Variants in CNDP2 observed in about 807,000 individuals in gnomAD.
CNDP2 encodes carnosine dipeptidase 2, also known as cytosolic non-specific dipeptidase.
Under a neutral mutation model 55.0 loss-of-function variants are expected in CNDP2, and 38 were observed. That is an observed-to-expected ratio of 0.69 (90% CI 0.53 to 0.90). CNDP2 has a LOEUF of 0.90. Ranked by LOEUF, CNDP2 falls within the 40% of genes least tolerant of loss-of-function variation. The pLI, the probability that CNDP2 is intolerant of heterozygous loss-of-function variation, is 0.00. For missense variants in CNDP2, 607 were observed against 621.7 expected (o/e 0.98, Z 0.25); for synonymous variants, 241 against 260.2 (o/e 0.93, Z 0.71).
At chr18:74,504,149 A>C (rs867571570) in intron 3 of CNDP2, among the ~76,000 whole-genome samples, 3 of 144,888 alleles carry the variant, frequency 2.1e-5, no homozygotes, top group Admixed American at 6.9e-5. Flanking sequence ...CGCTGGGACA[A>C]ATGAGGGGCG....
chr18:74,505,456 A>G (rs1978955237), intron 3 of CNDP2, among the ~76,000 whole-genome samples: 1 of 152,106 alleles, frequency 6.6e-6, no homozygotes, highest in Non-Finnish European at 1.5e-5. Context: ...AAAATTAACC[A>G]GGCATGGTGG....
At position 74,516,291 on chromosome 18, in the gene CNDP2, T is replaced by G; in HGVS notation, c.967T>G (p.Phe323Val). ...SLSLHGIEGAFSGSGAKTVIP... is the reference protein window; with the variant it reads ...SLSLHGIEGAVSGSGAKTVIP... ...GTCCCTCCATGGCATCGAAGGCGCC[T>G]TCTCTGGGTCTGGGGCCAAGACCGT... is the stretch of plus-strand genomic sequence containing the variant. Residue 323 changes from phenylalanine (F) to valine (V), a missense_variant, in exon 9 of 12, where the codon TTC becomes GTC. Coordinates refer to ENST00000324262, the MANE Select transcript of CNDP2 (RefSeq NM_018235.3). 6.2e-7 allele frequency: 1 copy of G among 1,614,136 alleles called. No individual in the cohort carries two copies. Among genetic ancestry groups the G allele is most frequent in the East Asian group, 2.2e-5 (1 of 44,862 alleles).
chr18:74,501,813 T>C (rs1978718060), intron 3 of CNDP2, among the ~76,000 whole-genome samples: 1 of 152,120 alleles, frequency 6.6e-6, no homozygotes, highest in African/African-American at 2.4e-5. Flanking sequence ...TTTATTCAAG[T>C]CCATTTAAAA....
chr18:74,519,171 G>A, intron 11 of CNDP2, 75 bp downstream of exon 11: 2 of 1,498,840 alleles, frequency 1.3e-6, no homozygotes, highest in Non-Finnish European at 1.8e-6. Context: ...TTCCCCCCGT[G>A]TGCAGCTGCC....
intron 2 of CNDP2, 125 bp from the exon 3 acceptor site, chr18:74,501,204 C>T: frequency 6.9e-7 from 1 of 1,459,022 alleles, no homozygotes; most frequent in Non-Finnish European, 9.0e-7. Flanking sequence ...TGTCCTATTT[C>T]CAATCAGCCT....
Position 74,513,646 on chromosome 18 carries a change from A to T in CNDP2, c.830A>T (p.Tyr277Phe), listed in dbSNP as rs1013549494. The change falls in exon 8 of 12, where the codon TAC becomes TTC. Residue 277 changes from tyrosine (Y) to phenylalanine (F), a missense_variant. Coordinates refer to ENST00000324262, the MANE Select transcript of CNDP2 (RefSeq NM_018235.3). ...GTCACGGAAGAGGAGCACAAGCTGT[A>T]CGACGACATCGACTTTGACATAGAG... is the stretch of plus-strand genomic sequence containing the variant. The part of the protein sequence containing the change: ...AAVTEEEHKL[Y>F]DDIDFDIEEF... 1.9e-6 allele frequency: 3 copies of T among 1,614,012 alleles called. No homozygotes were observed. Among genetic ancestry groups the T allele is most frequent in the Non-Finnish European group, 2.5e-6 (3 of 1,180,048 alleles).
intron 5 of CNDP2, 74 bp from the exon 6 acceptor site, chr18:74,510,739 G>A: frequency 7.7e-7 from 1 of 1,294,308 alleles, no homozygotes; most frequent in South Asian, 1.3e-5. Flanking sequence ...TGTGAAATAT[G>A]TAATCCTGAG....
chr18:74,513,640 A>G lies in CNDP2; in HGVS notation c.824A>G (p.Lys275Arg), dbSNP rs1410389649. 4 of 1,614,114 alleles carry G rather than the reference A, an allele frequency of 2.5e-6. No homozygotes were observed. The highest frequency in any genetic ancestry group is 1.7e-5 in the Admixed American group (1 of 60,026). The part of the protein sequence containing the change: ...AVAAVTEEEH[K>R]LYDDIDFDIE... Reference sequence around the variant, plus strand: ...GCCGCCGTCACGGAAGAGGAGCACAAGCTGTACGACGACATCGACTTTGAC... The same window carrying G: ...GCCGCCGTCACGGAAGAGGAGCACAGGCTGTACGACGACATCGACTTTGAC... Residue 275 changes from lysine to arginine, a missense_variant, in exon 8 of 12, where the codon AAG becomes AGG. Lys to Arg is a conservative substitution (Grantham distance 26, BLOSUM62 2). Coordinates refer to ENST00000324262, the MANE Select transcript of CNDP2 (RefSeq NM_018235.3).
At chr18:74,499,624 G>C (rs924453511) in intron 1 of CNDP2, 1 of 263,182 alleles carries the variant, frequency 3.8e-6, no homozygotes, top group Admixed American at 4.9e-5. Flanking sequence ...AAAACTAAAA[G>C]TGCCTACTTT....
chr18:74,502,332 G>C (rs1234215929), intron 3 of CNDP2, among the ~76,000 whole-genome samples: 2 of 152,172 alleles, frequency 1.3e-5, no homozygotes, highest in African/African-American at 4.8e-5. Flanking sequence ...GCAACTTTAA[G>C]CAAGACAACA....
chr18:74,499,600 A>G (rs545389390), intron 1 of CNDP2: 233 of 215,228 alleles, frequency 1.1e-3, no homozygotes, highest in Non-Finnish European at 1.7e-3. Flanking sequence ...AAAAATTTTT[A>G]TTAAAGTACC....
At chr18:74,514,212 T>C (rs1979515685) in intron 8 of CNDP2, among the ~76,000 whole-genome samples, 1 of 152,176 alleles carries the variant, frequency 6.6e-6, no homozygotes, top group African/African-American at 2.4e-5. Context: ...GCTCTAGGTT[T>C]ATGTGGTACA....
Position 74,499,878 on chromosome 18 carries a change from G to T in CNDP2, c.-92-4G>T. The T allele has an allele frequency of 9.5e-7, 1 of 1,053,284 alleles. No individual in the cohort carries two copies. The highest frequency in any genetic ancestry group is 1.4e-6 in the Non-Finnish European group (1 of 696,192). The allele number at this position is 1,053,284 out of a possible 1,614,324, so 65.2% of individuals were successfully genotyped here. A position where few individuals can be genotyped will look rare whatever the true frequency, so the allele number is the denominator to read the frequency against. On this transcript the variant is annotated splice_region_variant and splice_polypyrimidine_tract_variant and intron_variant, in intron 1 of 11. Transcript: ENST00000324262. Reference sequence around the variant, plus strand: ...ACAATTCTGAACACGTGCTTTCTGGGCAGGTCGCCCCTCAGTCTCCACTAG... The same window carrying T: ...ACAATTCTGAACACGTGCTTTCTGGTCAGGTCGCCCCTCAGTCTCCACTAG...
In CNDP2 at chr18:74,513,681, A is replaced by C; in HGVS notation, c.865A>C (p.Lys289Gln). 1 of 1,614,054 alleles carries C rather than the reference A, an allele frequency of 6.2e-7. No homozygotes were observed. Among genetic ancestry groups the C allele is most frequent in the Non-Finnish European group, 8.5e-7 (1 of 1,179,982 alleles). The change falls in exon 8 of 12, where the codon AAG becomes CAG. Residue 289 changes from lysine (K) to glutamine (Q), a missense_variant. Lys to Gln is a moderately conservative substitution (Grantham distance 53, BLOSUM62 1). Transcript: ENST00000324262. Reference sequence around the variant, plus strand: ...CGACTTTGACATAGAGGAGTTTGCCAAGGATGTGGGGGCGCAGATCCTCCT... The same window carrying C: ...CGACTTTGACATAGAGGAGTTTGCCCAGGATGTGGGGGCGCAGATCCTCCT... ...DIDFDIEEFA[K>Q]DVGAQILLHS...
chr18:74,513,794 T>G, intron 8 of CNDP2, 75 bp downstream of exon 8: 1 of 1,485,028 alleles, frequency 6.7e-7, no homozygotes. Flanking sequence ...CCCTGTCACC[T>G]TCCCTGGGTC....
rs1358674890 is a variant in CNDP2 at position 74,516,354 on chromosome 18, C to T, written c.1030C>T (p.Leu344Phe). 1.2e-6 allele frequency: 2 copies of T among 1,613,914 alleles called. No homozygotes were observed. Among genetic ancestry groups the T allele is most frequent in the Admixed American group, 1.7e-5 (1 of 60,002 alleles). The change falls in exon 9 of 12, where the codon CTC becomes TTC. Residue 344 changes from leucine to phenylalanine, a missense_variant. By Grantham distance (22) the Leu-to-Phe change is conservative (BLOSUM62 0). Transcript: ENST00000324262. ...GGTGGTTGGCAAGTTCTCCATCAGGCTCGTGCCGAACATGACTCCTGAAGT... is the reference window on the plus strand; with the variant it reads ...GGTGGTTGGCAAGTTCTCCATCAGGTTCGTGCCGAACATGACTCCTGAAGT... ...RKVVGKFSIR[L>F]VPNMTPEVVG...
chr18:74,508,865 T>G lies in CNDP2; in HGVS notation c.393T>G (p.Thr131=), dbSNP rs780762632. Residue 131 remains threonine (T), a synonymous_variant, in exon 5 of 12, where the codon ACT becomes ACG. Transcript: ENST00000324262. ...RDGKLYGRGS[T]DDKGPVAGWI... ...GCAAGCTGTATGGGAGAGGTTCGAC[T>G]GATGATAAGGGCCCGGTGGCCGGCT... 2.5e-6 allele frequency: 4 copies of G among 1,614,126 alleles called. No individual in the cohort carries two copies. In the East Asian group the frequency reaches 6.7e-5, roughly 27 times the overall value.
chr18:74,520,709 C>T lies in CNDP2; in HGVS notation c.*641C>T, dbSNP rs142910013. 1 of 152,630 alleles carries T rather than the reference C, an allele frequency of 6.6e-6. No homozygotes were observed. Among genetic ancestry groups the T allele is most frequent in the Non-Finnish European group, 1.5e-5 (1 of 68,434 alleles). The allele number at this position is 152,630 out of a possible 1,614,324, so 9.5% of individuals were successfully genotyped here. A position where few individuals can be genotyped will look rare whatever the true frequency, so the allele number is the denominator to read the frequency against. On this transcript the variant is annotated 3_prime_UTR_variant, in exon 12 of 12. Transcript: ENST00000324262. ...GTGTGGTGGTGCATGCCTGTAGTTC[C>T]AGCTACTCAGGACACTGACGTAGGA...
intron 7 of CNDP2, among the ~76,000 whole-genome samples, chr18:74,513,185 C>T (rs865920984): frequency 6.6e-6 from 1 of 152,212 alleles, no homozygotes; most frequent in Non-Finnish European, 1.5e-5. Context: ...AGTGGGGCTG[C>T]GTGAAGCCAG....
Sources: allele counts gnomAD v4.1 joint callset (sites outside exome capture counted in the v4.1 genomes callset), GRCh38; gene constraint gnomAD v4.1.1; transcripts MANE v1.5; gene names NCBI Gene and HGNC (gene_info 2026-07-23, HGNC 2026-07-21).